Variants in PLA2R1 observed in about 807,000 individuals in gnomAD.
The protein encoded by PLA2R1 is phospholipase A2 receptor 1.
A neutral mutation model predicts 195.9 loss-of-function variants in PLA2R1; 158 were observed. The ratio of observed to expected loss-of-function variants is 0.81; its 90% CI spans 0.71 to 0.92. The LOEUF is 0.92. Ranked by LOEUF, PLA2R1 falls within the 40% of genes least tolerant of loss-of-function variation. The pLI is 0.00. For missense variants in PLA2R1, 1,626 were observed against 1,764.6 expected, an observed-to-expected ratio of 0.92 and a Z score of 1.41; for synonymous variants, 586 against 598.2, an observed-to-expected ratio of 0.98 and a Z score of 0.30.
At position 159,941,648 on chromosome 2, in the gene PLA2R1, C is replaced by G; in HGVS notation, c.*130G>C. ...TAAGATTCAAAACCAGTAATCACTT[C>G]AAGAATAATTAAAATAGTGACCCAA... On this transcript the variant is annotated 3_prime_UTR_variant, in exon 30 of 30. Transcript: ENST00000283243. 1 of 600,806 alleles carries G rather than the reference C, an allele frequency of 1.7e-6. No homozygotes were observed. Among genetic ancestry groups the G allele is most frequent in the Non-Finnish European group, 3.0e-6 (1 of 337,482 alleles). The allele number at this position is 600,806 out of a possible 1,614,324, so 37.2% of individuals were successfully genotyped here.
chr2:160,038,489 C>T (rs1390007285), intron 3 of PLA2R1, among the ~76,000 whole-genome samples: 1 of 152,158 alleles, frequency 6.6e-6, no homozygotes, highest in Non-Finnish European at 1.5e-5. Context: ...ATGGGGCGCT[C>T]CAGAGCCCAG....
rs1692787139 is a variant in PLA2R1 at position 160,016,619 on chromosome 2, G to A, written c.1546C>T (p.Gln516Ter). 1.9e-6 allele frequency: 3 copies of A among 1,552,590 alleles called. No homozygotes were observed. The highest frequency in any genetic ancestry group is 2.7e-6 in the Non-Finnish European group (3 of 1,124,198). Residue 516 changes from glutamine (Q) to a stop codon, truncating the protein, a stop_gained, in exon 9 of 30, where the codon CAA (glutamine) becomes TAA (stop). Coordinates refer to ENST00000283243, the MANE Select transcript of PLA2R1 (RefSeq NM_007366.5). LOFTEE classifies it high-confidence loss of function. Reference sequence around the variant, plus strand: ...GCAATGTTAACAGCACTTACCTCTTGACATCCTGATTCAGCATCAGAGAGG... The same window carrying A: ...GCAATGTTAACAGCACTTACCTCTTAACATCCTGATTCAGCATCAGAGAGG... ...HVLSDAESGC[Q>*]EGWERHGGFC...
At chr2:160,014,857 C>T (rs1692620890) in intron 9 of PLA2R1, among the ~76,000 whole-genome samples, 2 of 152,138 alleles carry the variant, frequency 1.3e-5, no homozygotes, top group African/African-American at 4.8e-5. Flanking sequence ...CTTCATGCAT[C>T]CCTCCAGGGT....
At position 159,932,884 on chromosome 2, in the gene PLA2R1, A is replaced by G. The variant is rs2125901125; in HGVS notation, c.*8894T>C. On this transcript the variant is annotated 3_prime_UTR_variant, in exon 30 of 30. Transcript: ENST00000283243. ...CAGGAACATATACATTGGATCTAAT[A>G]TAAATAAGAGACTTAATGGGAGAAA... The G allele has an allele frequency of 6.6e-6, 1 of 152,312 alleles. No homozygotes were observed. Among genetic ancestry groups the G allele is most frequent in the South Asian group, 2.1e-4 (1 of 4,824 alleles). 9.4% of individuals were successfully genotyped at this position (152,312 alleles called of 1,614,324 possible). A position where few individuals can be genotyped will look rare whatever the true frequency, so the allele number is the denominator to read the frequency against.
chr2:159,992,360 T>C (rs1198870097), intron 11 of PLA2R1, among the ~76,000 whole-genome samples: 3 of 151,444 alleles, frequency 2.0e-5, no homozygotes, highest in Admixed American at 2.0e-4. Flanking sequence ...AGCATTCTTA[T>C]ACACCAACAA....
rs1334342185 is a variant in PLA2R1 at position 159,934,618 on chromosome 2, A to C, written c.*7160T>G. The C allele has an allele frequency of 6.6e-6, 1 of 152,226 alleles. No homozygotes were observed. The highest frequency in any genetic ancestry group is 2.4e-5 in the African/African-American group (1 of 41,458). 9.4% of individuals were successfully genotyped at this position (152,226 alleles called of 1,614,324 possible). A position where few individuals can be genotyped will look rare whatever the true frequency, so the allele number is the denominator to read the frequency against. ...AGAATATTATAAATAACAACATGTA[A>C]AAATAAAAGTGCCTTATCACCCTTT... On this transcript the variant is annotated 3_prime_UTR_variant, in exon 30 of 30. Coordinates refer to ENST00000283243, the MANE Select transcript of PLA2R1 (RefSeq NM_007366.5).
chr2:159,951,294 T>C, intron 24 of PLA2R1, 46 bp downstream of exon 24: 1 of 1,086,922 alleles, frequency 9.2e-7, no homozygotes, highest in African/African-American at 1.5e-5. Flanking sequence ...AGGTAGATGC[T>C]AAACTTAATT....
chr2:159,970,035 A>G lies in PLA2R1; in HGVS notation c.2660+113T>C. Reference sequence around the variant, plus strand: ...TCTTTGGTTAGAGAAGTGAAAATTTATAAGTTAATGTTTGAAGGGTATTCA... The same window carrying G: ...TCTTTGGTTAGAGAAGTGAAAATTTGTAAGTTAATGTTTGAAGGGTATTCA... On this transcript the variant is annotated intron_variant, in intron 18 of 29. Coordinates refer to ENST00000283243, the MANE Select transcript of PLA2R1 (RefSeq NM_007366.5). 5 of 655,130 alleles carry G rather than the reference A, an allele frequency of 7.6e-6. No homozygotes were observed. The East Asian group carries it at 1.1e-4, about 14-fold the overall frequency. The allele number at this position is 655,130 out of a possible 1,614,324, so 40.6% of individuals were successfully genotyped here. A position where few individuals can be genotyped will look rare whatever the true frequency, so the allele number is the denominator to read the frequency against.
At chr2:160,047,495 T>A (rs772217081) in intron 1 of PLA2R1, among the ~76,000 whole-genome samples, 1 of 152,234 alleles carries the variant, frequency 6.6e-6, no homozygotes, top group Admixed American at 6.5e-5. Context: ...TTTACTGCAG[T>A]TTCTGCAGCA....
intron 2 of PLA2R1, among the ~76,000 whole-genome samples, chr2:160,043,619 C>T (rs1694685706): frequency 6.6e-6 from 1 of 152,138 alleles, no homozygotes; most frequent in Non-Finnish European, 1.5e-5. Flanking sequence ...TTCTTTCAGT[C>T]CCCTTCCTTC....
chr2:160,044,031 G>C (rs192170856), intron 2 of PLA2R1, among the ~76,000 whole-genome samples: 134 of 152,130 alleles, frequency 8.8e-4, no homozygotes, highest in African/African-American at 3.2e-3. Flanking sequence ...CAAAAATGCG[G>C]GATGAATGGA....
rs202093875 is a variant in PLA2R1 at position 159,942,156 on chromosome 2, A to C, written c.4148T>G (p.Ile1383Ser). 19 of 1,607,312 alleles carry C rather than the reference A, an allele frequency of 1.2e-5. No homozygotes were observed. In the East Asian group the frequency reaches 2.0e-4, roughly 17 times the overall value. ...TTCTGGCAGCGCCTCTGCAGTGTGA[A>C]TATCTAAAATCAAATACAAAAATTA... ...KGFICKMEAD[I>S]HTAEALPEKG... Residue 1383 changes from isoleucine (I) to serine (S), a missense_variant, in exon 29 of 30, where the codon ATT becomes AGT. Transcript: ENST00000283243.
intron 17 of PLA2R1, among the ~76,000 whole-genome samples, chr2:159,973,873 AC>A (rs1169774653): frequency 1.3e-5 from 2 of 152,078 alleles, no homozygotes; most frequent in Non-Finnish European, 1.5e-5. Context: ...CATATAAGGC[AC>A]CATAAAGTTT....
chr2:160,015,216 A>C (rs888833171), intron 9 of PLA2R1, among the ~76,000 whole-genome samples: 1 of 152,228 alleles, frequency 6.6e-6, no homozygotes, highest in African/African-American at 2.4e-5. Context: ...GGAATTGCTC[A>C]TATTGTCCAA....
chr2:159,984,224 A>T (rs1244345865), intron 12 of PLA2R1, 151 bp from the exon 13 acceptor site: 6 of 483,074 alleles, frequency 1.2e-5, no homozygotes, highest in Non-Finnish European at 2.2e-5. Context: ...TTACTGAATT[A>T]GAATGTGCCT....
chr2:160,041,261 A>T (rs1694502236), intron 3 of PLA2R1, among the ~76,000 whole-genome samples: 1 of 152,212 alleles, frequency 6.6e-6, no homozygotes, highest in South Asian at 2.1e-4. Context: ...AGACTGTAAA[A>T]GCTGTACTCT....
intron 4 of PLA2R1, among the ~76,000 whole-genome samples, chr2:160,032,428 T>C (rs967210343): frequency 6.6e-6 from 1 of 152,192 alleles, no homozygotes; most frequent in Admixed American, 6.6e-5. Context: ...ACATAAGTCT[T>C]AGTTTATCGG....
At chr2:159,973,514 G>A (rs973835135) in intron 17 of PLA2R1, among the ~76,000 whole-genome samples, 1 of 151,862 alleles carries the variant, frequency 6.6e-6, no homozygotes, top group Non-Finnish European at 1.5e-5. Flanking sequence ...CCCTTAAAAG[G>A]GGACCTTGGA....
At chr2:159,996,144 T>C (rs534342503) in intron 11 of PLA2R1, among the ~76,000 whole-genome samples, 4 of 152,266 alleles carry the variant, frequency 2.6e-5, no homozygotes, top group African/African-American at 9.6e-5. Flanking sequence ...TTTCTTTATA[T>C]AGATCTGAGC....
Sources: gnomAD v4.1 joint callset for allele counts (sites outside exome capture counted in the v4.1 genomes callset) on GRCh38, gnomAD v4.1.1 for gene constraint, MANE v1.5 for transcripts, NCBI Gene and HGNC (gene_info 2026-07-23, HGNC 2026-07-21) for gene names.